The following ZCCHC14 variants were observed in gnomAD, a reference collection of about 807,000 sequenced individuals.
ZCCHC14 encodes zinc finger CCHC-type containing 14, also known as zinc finger CCHC domain-containing protein 14.
ZCCHC14 carries 16 observed loss-of-function variants against 85.0 expected under a neutral mutation model. The ratio of observed to expected loss-of-function variants is 0.19; its 90% CI spans 0.13 to 0.29. The LOEUF is 0.29. ZCCHC14 is among the 10% of genes least tolerant of loss of function. The pLI is 1.00. For missense variants in ZCCHC14, 1,303 were observed against 1,443.5 expected, an observed-to-expected ratio of 0.90 and a Z score of 1.58; for synonymous variants, 775 against 630.7, an observed-to-expected ratio of 1.23 and a Z score of -3.43.
intron 1 of ZCCHC14, among the ~76,000 whole-genome samples, chr16:87,480,327 C>T (rs144284118): frequency 0.11 from 16,225 of 151,860 alleles, 1,038 homozygotes; most frequent in Non-Finnish European, 0.15. Flanking sequence ...GGCGTGAACC[C>T]GGGAGGCGGA....
At chr16:87,432,545 C>A (rs1485051372) in intron 3 of ZCCHC14, among the ~76,000 whole-genome samples, 1 of 152,178 alleles carries the variant, frequency 6.6e-6, no homozygotes. Context: ...CCCCTAAGGG[C>A]ACCCTCAGGT....
At chr16:87,440,608 T>C (rs1253412996) in intron 2 of ZCCHC14, among the ~76,000 whole-genome samples, 1 of 151,982 alleles carries the variant, frequency 6.6e-6, no homozygotes, top group Non-Finnish European at 1.5e-5. Flanking sequence ...CACAACAAAA[T>C]ACCCTTCATT....
intron 1 of ZCCHC14, among the ~76,000 whole-genome samples, chr16:87,461,465 G>A (rs946625860): frequency 6.6e-6 from 1 of 152,226 alleles, no homozygotes; most frequent in Admixed American, 6.5e-5. Flanking sequence ...CATCAAAAGA[G>A]CTGATAAGCA....
chr16:87,492,823 G>C lies in ZCCHC14; in HGVS notation c.-585C>G, dbSNP rs948968954. ...GCGAAACGGACGCTGGAGGGGGAGGGACGCGCGGCGGGAGGCGCGGAGGGA... is the reference window on the plus strand; with the variant it reads ...GCGAAACGGACGCTGGAGGGGGAGGCACGCGCGGCGGGAGGCGCGGAGGGA... On this transcript the variant is annotated 5_prime_UTR_variant, in exon 1 of 13. Transcript: ENST00000671377. The surrounding 1 kb of genome is among the most constrained non-coding windows in gnomAD (Gnocchi z 6.7). 6.8e-6 allele frequency among the ~76,000 whole-genome samples: 1 copy of C among 147,696 alleles called. No homozygotes were observed. The highest frequency in any genetic ancestry group is 6.7e-5 in the Admixed American group (1 of 14,890).
intron 2 of ZCCHC14, among the ~76,000 whole-genome samples, chr16:87,436,284 C>T (rs1909916291): frequency 6.6e-6 from 1 of 152,278 alleles, no homozygotes; most frequent in African/African-American, 2.4e-5. Context: ...AATGTTGGCG[C>T]ATCCCTCTGC....
At chr16:87,489,038 T>C (rs1463048508) in intron 1 of ZCCHC14, among the ~76,000 whole-genome samples, 2 of 152,234 alleles carry the variant, frequency 1.3e-5, no homozygotes, top group African/African-American at 2.4e-5. Flanking sequence ...TTTTCAGGAA[T>C]ACACCAAACG....
intron 2 of ZCCHC14, among the ~76,000 whole-genome samples, chr16:87,445,232 A>C (rs2150747276): frequency 6.6e-6 from 1 of 152,056 alleles, no homozygotes; most frequent in East Asian, 1.9e-4. Context: ...ACGCCCAGCT[A>C]ATTTTTGTAT....
intron 2 of ZCCHC14, among the ~76,000 whole-genome samples, chr16:87,444,612 G>A (rs1910344312): frequency 6.6e-6 from 1 of 152,200 alleles, no homozygotes; most frequent in African/African-American, 2.4e-5. Flanking sequence ...CACAGTGAGA[G>A]CAGCGTAGCA....
chr16:87,412,990 CAA>C lies in ZCCHC14; in HGVS notation c.1745-16_1745-15del, dbSNP rs1209682563. 18 of 1,613,304 alleles carry C rather than the reference CAA, an allele frequency of 1.1e-5. No individual in the cohort carries two copies. The highest frequency in any genetic ancestry group is 8.0e-5 in the African/African-American group (6 of 74,900). ...GAATCTCCACACCTAGAGAGGGAAA[CAA>C]GAGTGGTCAGTGCCATTCCACAGCT... On this transcript the variant is annotated splice_polypyrimidine_tract_variant and intron_variant, in intron 11 of 12. Coordinates refer to ENST00000671377, the MANE Select transcript of ZCCHC14 (RefSeq NM_015144.3).
chr16:87,432,599 C>T (rs930716092), intron 3 of ZCCHC14, among the ~76,000 whole-genome samples: 3 of 152,120 alleles, frequency 2.0e-5, no homozygotes, highest in Non-Finnish European at 2.9e-5. Flanking sequence ...GCCTCCTGCA[C>T]GCCCTGCTGT....
chr16:87,453,648 CCAG>C (rs1910817225), intron 2 of ZCCHC14, among the ~76,000 whole-genome samples: 1 of 152,240 alleles, frequency 6.6e-6, no homozygotes, highest in Non-Finnish European at 1.5e-5. Flanking sequence ...CCTGCCCCCA[CCAG>C]CAGAAGCCTC....
chr16:87,463,212 A>C (rs1057044129), intron 1 of ZCCHC14, among the ~76,000 whole-genome samples: 11 of 152,170 alleles, frequency 7.2e-5, no homozygotes, highest in Non-Finnish European at 1.5e-4. Flanking sequence ...TGAGACCCCC[A>C]TCTCTACAAA....
At chr16:87,485,173 G>C (rs1015426003) in intron 1 of ZCCHC14, among the ~76,000 whole-genome samples, 5 of 152,192 alleles carry the variant, frequency 3.3e-5, no homozygotes, top group Non-Finnish European at 7.3e-5. Context: ...GCCGGCATGT[G>C]AAGACCTGTC....
chr16:87,469,753 G>A (rs1454307804), intron 1 of ZCCHC14, among the ~76,000 whole-genome samples: 1 of 152,120 alleles, frequency 6.6e-6, no homozygotes, highest in East Asian at 1.9e-4. Flanking sequence ...ACCGGCAACT[G>A]GGCCTCCCGG....
intron 1 of ZCCHC14, among the ~76,000 whole-genome samples, chr16:87,486,285 C>T (rs1912509521): frequency 6.6e-6 from 1 of 152,170 alleles, no homozygotes; most frequent in African/African-American, 2.4e-5. Flanking sequence ...GCTTCCACCA[C>T]TGACAGACCA....
chr16:87,466,697 C>T (rs1911535528), intron 1 of ZCCHC14, among the ~76,000 whole-genome samples: 1 of 152,152 alleles, frequency 6.6e-6, no homozygotes, highest in South Asian at 2.1e-4. Context: ...TACGACTGTG[C>T]AATCAAAGTA....
chr16:87,477,675 T>C (rs117120577), intron 1 of ZCCHC14, among the ~76,000 whole-genome samples: 2,543 of 152,208 alleles, frequency 0.017, 26 homozygotes, highest in Middle Eastern at 0.048. Context: ...AAAATAGAAC[T>C]TGACTCATGG....
intron 1 of ZCCHC14, among the ~76,000 whole-genome samples, chr16:87,475,220 A>G (rs1911946361): frequency 6.6e-6 from 1 of 152,200 alleles, no homozygotes; most frequent in South Asian, 2.1e-4. Context: ...GACAAGCCAA[A>G]CGGGTCTCAA....
At chr16:87,486,455 G>A (rs773187438) in intron 1 of ZCCHC14, among the ~76,000 whole-genome samples, 1 of 152,234 alleles carries the variant, frequency 6.6e-6, no homozygotes, top group African/African-American at 2.4e-5. Context: ...TCTACAATGT[G>A]GCCCAGAGGT....
Sources: gnomAD v4.1 joint callset for allele counts (sites outside exome capture counted in the v4.1 genomes callset) on GRCh38, gnomAD v4.1.1 for gene constraint, Gnocchi (gnomAD v3.1) non-coding constraint, MANE v1.5 for transcripts, NCBI Gene and HGNC (gene_info 2026-07-23, HGNC 2026-07-21) for gene names.